The following SAFB variants were observed in gnomAD, a reference collection of about 807,000 sequenced individuals.
The protein encoded by SAFB is scaffold attachment factor B.
A neutral mutation model predicts 101.6 loss-of-function variants in SAFB; 15 were observed. The observed-to-expected ratio is 0.15, with a 90% CI of 0.10 to 0.23. The LOEUF is 0.23. SAFB is among the 10% of genes least tolerant of loss of function. SAFB has a pLI of 1.00. For synonymous variants in SAFB, 449 were observed against 407.5 expected (o/e 1.10, Z -1.23); for missense variants, 930 against 1,104.1 (o/e 0.84, Z 2.23).
intron 1 of SAFB, 31 bp downstream of exon 1, chr19:5,623,425 G>A (rs529760566): frequency 2.5e-6 from 4 of 1,601,250 alleles, no homozygotes; most frequent in South Asian, 1.1e-5. Context: ...GCGGGCACAG[G>A]GTGGGTCTGG....
At chr19:5,653,037 C>T (rs2053973865) in intron 9 of SAFB, 78 bp from the exon 10 acceptor site, 2 of 1,465,560 alleles carry the variant, frequency 1.4e-6, no homozygotes, top group South Asian at 2.4e-5. Context: ...GAGCAGACTT[C>T]CCTGTGGGGT....
chr19:5,646,303 C>G (rs1351853968), intron 5 of SAFB, among the ~76,000 whole-genome samples: 2 of 152,188 alleles, frequency 1.3e-5, no homozygotes, highest in African/African-American at 4.8e-5. Flanking sequence ...AAAGCCAGAG[C>G]TCCAACCTTG....
intron 1 of SAFB, among the ~76,000 whole-genome samples, chr19:5,625,182 C>T (rs949656655): frequency 1.3e-5 from 2 of 152,226 alleles, no homozygotes; most frequent in Non-Finnish European, 2.9e-5. Flanking sequence ...ATCTCATTCT[C>T]TTCCCGTTTC....
chr19:5,659,623 C>T (rs958305437), intron 14 of SAFB, among the ~76,000 whole-genome samples: 2 of 151,888 alleles, frequency 1.3e-5, no homozygotes, highest in African/African-American at 2.4e-5. Context: ...CCTCGTGATC[C>T]ACCCGCATCG....
At chr19:5,640,382 CT>C (rs2053680941) in intron 2 of SAFB, among the ~76,000 whole-genome samples, 1 of 20,972 alleles carries the variant, frequency 4.8e-5, no homozygotes. Flanking sequence ...TTTTTTTTTT[CT>C]GGAGATGGAG....
chr19:5,643,698 G>A (rs2053768492), intron 4 of SAFB, among the ~76,000 whole-genome samples: 2 of 152,000 alleles, frequency 1.3e-5, no homozygotes, highest in African/African-American at 4.8e-5. Flanking sequence ...TAAGGGTTGA[G>A]GCCAGGTGCG....
Position 5,623,488 on chromosome 19 carries a change from G to A in SAFB, c.189+94G>A, listed in dbSNP as rs532182085. ...CGGGCCCTGGCGTCCGCCCCCGGCC[G>A]CGTTCGCGGCCTCGCCGGACCTGGC... On this transcript the variant is annotated intron_variant, in intron 1 of 20. Coordinates refer to ENST00000588852, the MANE Select transcript of SAFB (RefSeq NM_001201338.2). The A allele has an allele frequency of 7.3e-6, 8 of 1,101,196 alleles. No individual in the cohort carries two copies. In the South Asian group the frequency reaches 1.3e-4, roughly 19 times the overall value. 68.2% of individuals were successfully genotyped at this position (1,101,196 alleles called of 1,614,324 possible).
At chr19:5,652,054 G>C (rs1025160470) in intron 9 of SAFB, among the ~76,000 whole-genome samples, 1 of 152,124 alleles carries the variant, frequency 6.6e-6, no homozygotes, top group East Asian at 1.9e-4. Context: ...TTAGCCGGGC[G>C]TGGTGGCGCA....
chr19:5,661,870 T>A, intron 15 of SAFB, 62 bp downstream of exon 15: 1 of 1,137,988 alleles, frequency 8.8e-7, no homozygotes, highest in Non-Finnish European at 1.2e-6. Context: ...GACCTCACAG[T>A]CCAGTTAGCT....
chr19:5,643,834 G>C (rs2053771115), intron 4 of SAFB, among the ~76,000 whole-genome samples: 1 of 150,254 alleles, frequency 6.7e-6, no homozygotes, highest in South Asian at 2.1e-4. Context: ...CTGCACTCCA[G>C]CCTGGGCGGC....
Position 5,664,089 on chromosome 19 carries a change from A to C in SAFB, c.2221A>C (p.Asn741His). The C allele has an allele frequency of 6.2e-7, 1 of 1,614,066 alleles. No homozygotes were observed. Among genetic ancestry groups the C allele is most frequent in the Non-Finnish European group, 8.5e-7 (1 of 1,180,020 alleles). The change falls in exon 16 of 21, where the codon AAC (asparagine) becomes CAC (histidine). Residue 741 changes from asparagine to histidine, a missense_variant. Transcript: ENST00000588852. ...GGATGAGCGCTACCATTCTGACTTT[A>C]ACCGCCAGGACCGCTTCCACGACTT... ...ALDERYHSDFNRQDRFHDFDH... is the reference protein window; with the variant it reads ...ALDERYHSDFHRQDRFHDFDH...
At chr19:5,637,704 C>T (rs1405534794) in intron 2 of SAFB, among the ~76,000 whole-genome samples, 4 of 152,142 alleles carry the variant, frequency 2.6e-5, no homozygotes, top group African/African-American at 9.7e-5. Flanking sequence ...GGGAAAGAGG[C>T]CTGGCAGGAA....
rs769292435 is a variant in SAFB, at chr19:5,623,313, G to A, written c.108G>A (p.Val36=). Residue 36 remains valine, a synonymous_variant, in exon 1 of 21, where the codon GTG becomes GTA. Coordinates refer to ENST00000588852, the MANE Select transcript of SAFB (RefSeq NM_001201338.2). ...CGCGGCGCCTCAGCGACCTGCGAGT[G>A]ATCGATCTGCGGGCGGAGCTGAGGA... is the stretch of plus-strand genomic sequence containing the variant. ...TGTRRLSDLR[V]IDLRAELRKR... is the part of the protein sequence containing the mutation. 6.2e-7 allele frequency: 1 copy of A among 1,614,090 alleles called. No individual in the cohort carries two copies. The highest frequency in any genetic ancestry group is 2.2e-5 in the East Asian group (1 of 44,872).
intron 2 of SAFB, among the ~76,000 whole-genome samples, chr19:5,639,164 A>G (rs2053653558): frequency 1.3e-5 from 2 of 152,222 alleles, no homozygotes; most frequent in Admixed American, 6.5e-5. Flanking sequence ...CAACATTTCA[A>G]ATTGGTCGGG....
chr19:5,650,834 G>A (rs2053923362), intron 8 of SAFB, 144 bp from the exon 9 acceptor site: 2 of 595,904 alleles, frequency 3.4e-6, no homozygotes, highest in African/African-American at 3.7e-5. Context: ...TGAGGATAGT[G>A]GTCAGGCCCA....
At chr19:5,647,018 G>A (rs535001094) in intron 5 of SAFB, among the ~76,000 whole-genome samples, 10 of 152,314 alleles carry the variant, frequency 6.6e-5, no homozygotes, top group Non-Finnish European at 1.3e-4. Flanking sequence ...AACCGATGAC[G>A]AGTCTGTGTG....
intron 2 of SAFB, among the ~76,000 whole-genome samples, chr19:5,630,233 TCA>T (rs2053459629): frequency 6.6e-6 from 1 of 152,220 alleles, no homozygotes; most frequent in South Asian, 2.1e-4. Flanking sequence ...TTGCATTTCT[TCA>T]CAGATTATAC....
intron 15 of SAFB, among the ~76,000 whole-genome samples, chr19:5,663,766 A>G (rs973529836): frequency 6.6e-6 from 1 of 152,188 alleles, no homozygotes; most frequent in Non-Finnish European, 1.5e-5. Flanking sequence ...GGCAGCCCAT[A>G]GGACTGACTG....
At chr19:5,626,003 G>A (rs1186433167) in intron 1 of SAFB, among the ~76,000 whole-genome samples, 1 of 152,190 alleles carries the variant, frequency 6.6e-6, no homozygotes, top group Non-Finnish European at 1.5e-5. Context: ...GAAATGGAGA[G>A]TGTGCCTTTC....
Sources: gnomAD v4.1 joint callset for allele counts (sites outside exome capture counted in the v4.1 genomes callset) on GRCh38, gnomAD v4.1.1 for gene constraint, MANE v1.5 for transcripts, NCBI Gene and HGNC (gene_info 2026-07-23, HGNC 2026-07-21) for gene names.